Variants in SEZ6L observed in about 807,000 individuals in gnomAD.
The protein encoded by SEZ6L is seizure 6-like protein.
A neutral mutation model predicts 106.2 loss-of-function variants in SEZ6L; 37 were observed. That is an observed-to-expected ratio of 0.35 (90% CI 0.27 to 0.46). The LOEUF (loss-of-function observed/expected upper bound fraction) is 0.46, where lower values mean the gene tolerates loss of function less well. Ranked by LOEUF, SEZ6L falls within the 20% of genes least tolerant of loss-of-function variation. The pLI, the probability that SEZ6L is intolerant of heterozygous loss-of-function variation, is 1.00. For missense variants in SEZ6L, 1,172 were observed against 1,332.8 expected (o/e 0.88, Z 1.88); for synonymous variants, 541 against 570.4 (o/e 0.95, Z 0.73).
intron 1 of SEZ6L, among the ~76,000 whole-genome samples, chr22:26,218,564 G>A (rs539998949): frequency 1.3e-5 from 2 of 152,370 alleles, no homozygotes; most frequent in South Asian, 4.1e-4. Context: ...CAATTTGGGA[G>A]GCTGAAGTGG....
At chr22:26,343,196 C>G (rs1243941956) in intron 10 of SEZ6L, among the ~76,000 whole-genome samples, 1 of 152,016 alleles carries the variant, frequency 6.6e-6, no homozygotes, top group Non-Finnish European at 1.5e-5. Flanking sequence ...AGTCTCTGGT[C>G]TCCTGGCTCC....
At chr22:26,213,073 G>C (rs571931734) in intron 1 of SEZ6L, among the ~76,000 whole-genome samples, 3 of 152,290 alleles carry the variant, frequency 2.0e-5, no homozygotes, top group Non-Finnish European at 4.4e-5. Context: ...TGGAGGATGG[G>C]GATGCTTAGG....
At chr22:26,344,819 T>C (rs1049621684) in intron 10 of SEZ6L, among the ~76,000 whole-genome samples, 1 of 152,232 alleles carries the variant, frequency 6.6e-6, no homozygotes. Flanking sequence ...GAATAGACAA[T>C]GTAATAATTC....
chr22:26,196,790 C>CT (rs1180652253), intron 1 of SEZ6L, among the ~76,000 whole-genome samples: 1 of 152,152 alleles, frequency 6.6e-6, no homozygotes, highest in African/African-American at 2.4e-5. Flanking sequence ...AAGTTAAAGT[C>CT]TATAGACTTG....
chr22:26,343,761 T>C (rs1034188590), intron 10 of SEZ6L, among the ~76,000 whole-genome samples: 27 of 152,210 alleles, frequency 1.8e-4, no homozygotes, highest in African/African-American at 6.5e-4. Context: ...ACAGCTTGGC[T>C]AGTTTGGGTA....
At position 26,380,571 on chromosome 22, in the gene SEZ6L, G is replaced by A; in HGVS notation, c.*276G>A. The stretch of plus-strand genomic sequence containing the variant: ...ACTTGCAAAATGGCAAACCGCGGCA[G>A]CAAAAACACAAAACAGCAGATGGAG... On this transcript the variant is annotated 3_prime_UTR_variant, in exon 17 of 17. Transcript: ENST00000248933. The A allele has an allele frequency of 2.6e-6, 1 of 380,352 alleles. No homozygotes were observed. The highest frequency in any genetic ancestry group is 4.1e-5 in the East Asian group (1 of 24,520). 23.6% of individuals were successfully genotyped at this position (380,352 alleles called of 1,614,324 possible). A position where few individuals can be genotyped will look rare whatever the true frequency, so the allele number is the denominator to read the frequency against.
At chr22:26,212,725 G>A (rs2078196481) in intron 1 of SEZ6L, among the ~76,000 whole-genome samples, 2 of 152,194 alleles carry the variant, frequency 1.3e-5, no homozygotes, top group Admixed American at 1.3e-4. Context: ...GCCTGGCCAA[G>A]ATAAGGGCCT....
intron 13 of SEZ6L, among the ~76,000 whole-genome samples, chr22:26,372,827 G>T (rs1184242157): frequency 6.6e-6 from 1 of 152,106 alleles, no homozygotes; most frequent in African/African-American, 2.4e-5. Context: ...CAATATAAAA[G>T]GAATAAAAAT....
intron 1 of SEZ6L, among the ~76,000 whole-genome samples, chr22:26,177,408 G>C (rs1346323071): frequency 6.6e-6 from 1 of 152,174 alleles, no homozygotes; most frequent in Non-Finnish European, 1.5e-5. Flanking sequence ...GCCATTCATC[G>C]GGTCCTCACT....
intron 1 of SEZ6L, among the ~76,000 whole-genome samples, chr22:26,209,575 A>T (rs1362580110): frequency 1.3e-5 from 2 of 149,604 alleles, no homozygotes; most frequent in Non-Finnish European, 3.0e-5. Context: ...AGGAAGGAAG[A>T]AAGATGGATA....
At chr22:26,239,679 G>A (rs2079054555) in intron 1 of SEZ6L, among the ~76,000 whole-genome samples, 2 of 152,102 alleles carry the variant, frequency 1.3e-5, no homozygotes, top group Non-Finnish European at 2.9e-5. Flanking sequence ...TCAGATCCAA[G>A]GGGCAACTTA....
rs141068609 is a variant in SEZ6L, at chr22:26,362,076, C to A, written c.2600-3296C>A. Among the ~76,000 whole-genome samples the A allele has an allele frequency of 7.5e-3, 1,145 of 152,206 alleles. 15 individuals carry two copies. The highest frequency in any genetic ancestry group is 0.026 in the African/African-American group (1,094 of 41,512). The stretch of plus-strand genomic sequence containing the variant: ...AGGCTTTAAAAATAAAAATAAAATT[C>A]TCCCTTCCTACAGTCCATCCCCAAG... On this transcript the variant is annotated intron_variant, in intron 12 of 16. Transcript: ENST00000248933.
At chr22:26,174,442 C>G (rs970589023) in intron 1 of SEZ6L, among the ~76,000 whole-genome samples, 4 of 152,208 alleles carry the variant, frequency 2.6e-5, no homozygotes, top group African/African-American at 9.6e-5. Flanking sequence ...TCTGTCGGAC[C>G]TGCCTGTCCT....
At chr22:26,351,849 C>T (rs1280197550) in intron 12 of SEZ6L, among the ~76,000 whole-genome samples, 1 of 151,880 alleles carries the variant, frequency 6.6e-6, no homozygotes, top group African/African-American at 2.4e-5. Flanking sequence ...CCTGGCTTCA[C>T]TGATTTCATT....
intron 1 of SEZ6L, among the ~76,000 whole-genome samples, chr22:26,183,409 C>G: frequency 6.6e-6 from 1 of 152,134 alleles, no homozygotes; most frequent in East Asian, 1.9e-4. Flanking sequence ...TGATGACTTC[C>G]GGGCAGGGGG....
chr22:26,316,297 A>T (rs148141885), intron 9 of SEZ6L, among the ~76,000 whole-genome samples: 1 of 152,198 alleles, frequency 6.6e-6, no homozygotes, highest in African/African-American at 2.4e-5. Context: ...CTAGGGAAAA[A>T]ATTATTGTGT....
chr22:26,310,236 C>T (rs2081774122), intron 6 of SEZ6L, among the ~76,000 whole-genome samples: 1 of 152,162 alleles, frequency 6.6e-6, no homozygotes, highest in Non-Finnish European at 1.5e-5. Flanking sequence ...TGTCTGAGCA[C>T]ATAAGAGGTA....
chr22:26,217,923 C>T (rs572566591), intron 1 of SEZ6L, among the ~76,000 whole-genome samples: 1 of 152,204 alleles, frequency 6.6e-6, no homozygotes, highest in African/African-American at 2.4e-5. Context: ...AGGCTGATGT[C>T]GACAAGAAAT....
chr22:26,301,010 G>A (rs914381970), intron 5 of SEZ6L, among the ~76,000 whole-genome samples: 2 of 152,304 alleles, frequency 1.3e-5, no homozygotes, highest in South Asian at 4.1e-4. Context: ...TGCTCTGAGT[G>A]TAACTACTGC....
Sources: gnomAD v4.1 joint callset for allele counts (sites outside exome capture counted in the v4.1 genomes callset) on GRCh38, gnomAD v4.1.1 for gene constraint, MANE v1.5 for transcripts, NCBI Gene and HGNC (gene_info 2026-07-23, HGNC 2026-07-21) for gene names.